The following ROS1 variants were observed in gnomAD, a reference collection of about 807,000 sequenced individuals.
ROS1 encodes the protein proto-oncogene tyrosine-protein kinase ROS.
ROS1 carries 263 observed loss-of-function variants against 273.5 expected under a neutral mutation model. The observed-to-expected ratio is 0.96, with a 90% CI of 0.87 to 1.06. The LOEUF (loss-of-function observed/expected upper bound fraction) is 1.06. Ranked by LOEUF, ROS1 falls within the 50% of genes least tolerant of loss-of-function variation. The probability of loss-of-function intolerance (pLI) is 0.00; values close to 1 mark genes in which losing one functional copy is unlikely to be tolerated. For missense variants in ROS1, 2,833 were observed against 2,751.1 expected, an observed-to-expected ratio of 1.03 and a Z score of -0.67; for synonymous variants, 1,008 against 954.1, an observed-to-expected ratio of 1.06 and a Z score of -1.04.
At chr6:117,319,570 T>G (rs1467275517) in intron 37 of ROS1, among the ~76,000 whole-genome samples, 1 of 152,140 alleles carries the variant, frequency 6.6e-6, no homozygotes, top group East Asian at 1.9e-4. Flanking sequence ...CTTAAGAATG[T>G]GTTTCACAAC....
At chr6:117,364,272 A>G (rs1351969293) in intron 21 of ROS1, among the ~76,000 whole-genome samples, 1 of 152,220 alleles carries the variant, frequency 6.6e-6, no homozygotes, top group Admixed American at 6.5e-5. Flanking sequence ...GGATATCTAT[A>G]TTTATTAAGC....
At chr6:117,372,558 G>A (rs963316278) in intron 18 of ROS1, among the ~76,000 whole-genome samples, 2 of 152,276 alleles carry the variant, frequency 1.3e-5, no homozygotes, top group Admixed American at 1.3e-4. Context: ...TCTGATGTTC[G>A]GATGTGTTTG....
chr6:117,344,481 G>C (rs1476603033), intron 27 of ROS1, among the ~76,000 whole-genome samples: 1 of 152,184 alleles, frequency 6.6e-6, no homozygotes, highest in African/African-American at 2.4e-5. Context: ...TGTGTAGTAT[G>C]TACTGCTACA....
chr6:117,371,235 T>C (rs1582768201), intron 18 of ROS1, among the ~76,000 whole-genome samples: 1 of 152,220 alleles, frequency 6.6e-6, no homozygotes, highest in East Asian at 1.9e-4. Context: ...GTAGGCTTTG[T>C]GAGATAGCCA....
At chr6:117,411,059 A>G (rs1001198094) in intron 4 of ROS1, among the ~76,000 whole-genome samples, 5 of 152,166 alleles carry the variant, frequency 3.3e-5, no homozygotes, top group African/African-American at 1.2e-4. Context: ...GGAAATACAG[A>G]TTATTTTGAA....
chr6:117,385,785 C>T lies in ROS1; in HGVS notation c.2187G>A (p.Thr729=), dbSNP rs545781651. ...GDVFVWLLNG[T]DISENYHLPS... ...GTAGGTGATAATTCTCTGAGATATC[C>T]GTCCCATTCAGCAGCCACACAAAAA... is the stretch of plus-strand genomic sequence containing the variant. The change falls in exon 16 of 44, where the codon ACG becomes ACA. Residue 729 remains threonine (T), a synonymous_variant. Coordinates refer to ENST00000368507, the MANE Select transcript of ROS1 (RefSeq NM_001378902.1). The T allele has an allele frequency of 1.2e-5, 20 of 1,614,068 alleles. No homozygotes were observed. The East Asian group carries it at 2.9e-4, about 23-fold the overall frequency.
At chr6:117,328,261 G>A (rs559406746) in intron 33 of ROS1, among the ~76,000 whole-genome samples, 16 of 152,158 alleles carry the variant, frequency 1.1e-4, no homozygotes, top group Non-Finnish European at 2.2e-4. Flanking sequence ...TGTCCTGACA[G>A]TGGAGACCTG....
At chr6:117,422,553 ATCT>A (rs1775837243) in intron 1 of ROS1, among the ~76,000 whole-genome samples, 1 of 151,988 alleles carries the variant, frequency 6.6e-6, no homozygotes, top group South Asian at 2.1e-4. Flanking sequence ...CTGAATTATG[ATCT>A]TATTATATTA....
At chr6:117,290,136 T>C (rs10484303) in intron 43 of ROS1, among the ~76,000 whole-genome samples, 2 of 152,022 alleles carry the variant, frequency 1.3e-5, no homozygotes, top group Admixed American at 1.3e-4. Context: ...ATTTAATCCA[T>C]GAATGAGCAT....
intron 5 of ROS1, among the ~76,000 whole-genome samples, chr6:117,407,187 A>G (rs1171020466): frequency 6.6e-6 from 1 of 152,174 alleles, no homozygotes; most frequent in Non-Finnish European, 1.5e-5. Flanking sequence ...TCCAATTTCC[A>G]TCAGCCACTG....
intron 1 of ROS1, 38 bp downstream of exon 1, chr6:117,425,496 A>G: frequency 6.5e-7 from 1 of 1,550,004 alleles, no homozygotes; most frequent in Non-Finnish European, 8.7e-7. Flanking sequence ...TACATGTTCT[A>G]GTTCCTGCAA....
chr6:117,405,078 T>C (rs1774288176), intron 5 of ROS1, among the ~76,000 whole-genome samples: 2 of 152,226 alleles, frequency 1.3e-5, no homozygotes, highest in Admixed American at 1.3e-4. Flanking sequence ...GATTTTACTC[T>C]ACTTTTTATA....
chr6:117,318,291 G>C (rs775570416), intron 37 of ROS1, 39 bp from the exon 38 acceptor site: 1 of 1,494,548 alleles, frequency 6.7e-7, no homozygotes, highest in Non-Finnish European at 9.3e-7. Flanking sequence ...CAGTATAGCA[G>C]ACATTTCTGT....
intron 43 of ROS1, among the ~76,000 whole-genome samples, chr6:117,291,564 G>A (rs1773840703): frequency 6.6e-6 from 1 of 152,176 alleles, no homozygotes; most frequent in Non-Finnish European, 1.5e-5. Context: ...CTCAACAATG[G>A]AGACAAACTC....
intron 1 of ROS1, among the ~76,000 whole-genome samples, chr6:117,421,026 C>T (rs1479292903): frequency 6.7e-6 from 1 of 148,252 alleles, no homozygotes. Flanking sequence ...AGAAGTTTAC[C>T]TGTACCTTTT....
At position 117,321,015 on chromosome 6, in the gene ROS1, G is replaced by GT. The variant is rs565379395; in HGVS notation, c.5759+243dup. The stretch of plus-strand genomic sequence containing the variant: ...TAATATTTTTCTCCTTCTTTCATTT[G>GT]TTTTTGAGCTACATGACAAAATACT... On this transcript the variant is annotated intron_variant, in intron 36 of 43. Coordinates refer to ENST00000368507, the MANE Select transcript of ROS1 (RefSeq NM_001378902.1). Among the ~76,000 whole-genome samples the GT allele has an allele frequency of 1.3e-4, 20 of 152,086 alleles. No individual in the cohort carries two copies. In the South Asian group the frequency reaches 4.2e-3, roughly 32 times the overall value.
At chr6:117,310,943 T>C (rs1775496322) in intron 40 of ROS1, 77 bp downstream of exon 40, 1 of 821,222 alleles carries the variant, frequency 1.2e-6, no homozygotes, top group Non-Finnish European at 2.0e-6. Flanking sequence ...TTTAATTATC[T>C]TGTGTGCTTT....
intron 27 of ROS1, among the ~76,000 whole-genome samples, chr6:117,349,159 A>G (rs1778607194): frequency 1.3e-5 from 2 of 151,862 alleles, no homozygotes; most frequent in South Asian, 2.1e-4. Context: ...GGATTTGCCC[A>G]TTTCTGATAG....
intron 23 of ROS1, 80 bp from the exon 24 acceptor site, chr6:117,360,091 A>G: frequency 3.5e-6 from 4 of 1,144,656 alleles, no homozygotes; most frequent in Non-Finnish European, 5.1e-6. Flanking sequence ...AATATCTGGC[A>G]GTTTTGAAGT....
Sources: gnomAD v4.1 joint callset for allele counts (sites outside exome capture counted in the v4.1 genomes callset) on GRCh38, gnomAD v4.1.1 for gene constraint, MANE v1.5 for transcripts, NCBI Gene and HGNC (gene_info 2026-07-23, HGNC 2026-07-21) for gene names.